The following ADAMTS6 variants were observed in gnomAD, a reference collection of about 807,000 sequenced individuals.
The protein encoded by ADAMTS6 is A disintegrin and metalloproteinase with thrombospondin motifs 6.
ADAMTS6 carries 23 observed loss-of-function variants against 144.3 expected under a neutral mutation model. The ratio of observed to expected loss-of-function variants is 0.16; its 90% CI spans 0.11 to 0.23. The LOEUF (loss-of-function observed/expected upper bound fraction) is 0.23, where lower values mean the gene tolerates loss of function less well. ADAMTS6 is among the 10% of genes least tolerant of loss of function. ADAMTS6 has a pLI of 1.00. For synonymous variants in ADAMTS6, 444 were observed against 457.5 expected (o/e 0.97, Z 0.38); for missense variants, 999 against 1,379.6 (o/e 0.72, Z 4.37).
intron 7 of ADAMTS6, among the ~76,000 whole-genome samples, chr5:65,398,408 C>A (rs543124204): frequency 6.6e-6 from 1 of 152,268 alleles, no homozygotes; most frequent in Admixed American, 6.5e-5. Flanking sequence ...ACTTTCCTTG[C>A]TTTGCATTCT....
chr5:65,470,696 T>G, intron 3 of ADAMTS6, 82 bp downstream of exon 3: 1 of 1,167,346 alleles, frequency 8.6e-7, no homozygotes, highest in Middle Eastern at 2.6e-4. Flanking sequence ...ATATATATTT[T>G]TTTTTTAATC....
At chr5:65,242,304 C>A in intron 14 of ADAMTS6, 98 bp from the exon 15 acceptor site, 1 of 732,018 alleles carries the variant, frequency 1.4e-6, no homozygotes, top group Non-Finnish European at 2.1e-6. Flanking sequence ...TAACTCACTA[C>A]CTTATTCTGT....
chr5:65,474,785 C>T (rs1163133380), intron 1 of ADAMTS6, among the ~76,000 whole-genome samples: 4 of 87,414 alleles, frequency 4.6e-5, no homozygotes, highest in Non-Finnish European at 6.7e-5. Flanking sequence ...CACAAACAGC[C>T]AAACTGTGAC....
intron 10 of ADAMTS6, among the ~76,000 whole-genome samples, chr5:65,294,838 C>T (rs1270397921): frequency 2.6e-5 from 4 of 151,798 alleles, no homozygotes; most frequent in Non-Finnish European, 5.9e-5. Flanking sequence ...CATTTCCCCC[C>T]ACCCCCAAAG....
chr5:65,466,803 G>C (rs986670154), intron 3 of ADAMTS6, among the ~76,000 whole-genome samples: 1 of 152,208 alleles, frequency 6.6e-6, no homozygotes, highest in African/African-American at 2.4e-5. Flanking sequence ...AGCACTTTGG[G>C]AGGCCGAGGT....
At chr5:65,215,012 G>GA in intron 19 of ADAMTS6, 80 bp from the exon 20 acceptor site, 5 of 1,495,522 alleles carry the variant, frequency 3.3e-6, no homozygotes, top group Non-Finnish European at 4.5e-6. Flanking sequence ...TTTTGAAGAA[G>GA]AAAATGTCAA....
At chr5:65,179,931 T>C (rs1035109657) in intron 22 of ADAMTS6, among the ~76,000 whole-genome samples, 38 of 142,156 alleles carry the variant, frequency 2.7e-4, no homozygotes, top group African/African-American at 9.8e-4. Context: ...CTTGTGTGCA[T>C]GCAAACACAC....
At chr5:65,328,387 A>G (rs993247661) in intron 9 of ADAMTS6, among the ~76,000 whole-genome samples, 2 of 152,148 alleles carry the variant, frequency 1.3e-5, no homozygotes, top group African/African-American at 4.8e-5. Context: ...AAATTCTACA[A>G]ATGTCAGGAG....
chr5:65,418,941 T>C (rs1755784700), intron 7 of ADAMTS6, among the ~76,000 whole-genome samples: 1 of 152,208 alleles, frequency 6.6e-6, no homozygotes, highest in African/African-American at 2.4e-5. Flanking sequence ...GCTTCTACTC[T>C]GCTGGTGGGA....
intron 7 of ADAMTS6, among the ~76,000 whole-genome samples, chr5:65,340,850 AT>A (rs1285260820): frequency 6.6e-6 from 1 of 152,062 alleles, no homozygotes; most frequent in Admixed American, 6.6e-5. Context: ...ACAAAGTATT[AT>A]TTAAAAAATA....
chr5:65,388,891 A>T (rs1406009062), intron 7 of ADAMTS6, among the ~76,000 whole-genome samples: 1 of 152,174 alleles, frequency 6.6e-6, no homozygotes, highest in Non-Finnish European at 1.5e-5. Context: ...TGAAGGCTCA[A>T]AAAAGTCACA....
Position 65,277,492 on chromosome 5 carries a change from A to G in ADAMTS6, c.1513-4045T>C, listed in dbSNP as rs562733985. Among the ~76,000 whole-genome samples, 17 of 152,134 alleles carry G rather than the reference A, an allele frequency of 1.1e-4. No individual in the cohort carries two copies. The South Asian group carries it at 3.5e-3, about 32-fold the overall frequency. The stretch of plus-strand genomic sequence containing the variant: ...CTGCAACCTTGAACTCCTGGGCTCA[A>G]GAGATCCTCCTGCCTCGGCCTTCCA... On this transcript the variant is annotated intron_variant, in intron 11 of 24. Transcript: ENST00000381055.
At position 65,299,966 on chromosome 5, in the gene ADAMTS6, C is replaced by G. The variant is rs757979635; in HGVS notation, c.1370+19G>C. On this transcript the variant is annotated intron_variant, in intron 10 of 24. Transcript: ENST00000381055. ...TTACTTCTGGAGCTATTTATCATCA[C>G]TCTCCAGAGATTACTTACTCTAGAA... 13 of 1,607,176 alleles carry G rather than the reference C, an allele frequency of 8.1e-6. No homozygotes were observed. In the South Asian group the frequency reaches 1.3e-4, roughly 17 times the overall value.
At chr5:65,452,653 G>A in intron 5 of ADAMTS6, 54 bp downstream of exon 5, 1 of 1,580,844 alleles carries the variant, frequency 6.3e-7, no homozygotes, top group Non-Finnish European at 8.6e-7. Flanking sequence ...TATGACCTTA[G>A]TCAAAAACAC....
At chr5:65,480,033 A>G (rs1761093681) in intron 1 of ADAMTS6, among the ~76,000 whole-genome samples, 1 of 152,232 alleles carries the variant, frequency 6.6e-6, no homozygotes, top group Non-Finnish European at 1.5e-5. Context: ...CAACACAAGA[A>G]AACAATTATC....
intron 9 of ADAMTS6, among the ~76,000 whole-genome samples, chr5:65,309,114 GT>G (rs1279410611): frequency 6.7e-6 from 1 of 150,142 alleles, no homozygotes; most frequent in Non-Finnish European, 1.5e-5. Flanking sequence ...CCAGGGTGGG[GT>G]TGGTGGCGGG....
At chr5:65,258,576 A>C (rs763221530) in intron 14 of ADAMTS6, among the ~76,000 whole-genome samples, 3 of 152,204 alleles carry the variant, frequency 2.0e-5, no homozygotes, top group East Asian at 1.9e-4. Flanking sequence ...TCCTCATAAA[A>C]GGCTATTAGA....
At chr5:65,273,768 AAT>A (rs1366285445) in intron 11 of ADAMTS6, among the ~76,000 whole-genome samples, 3 of 152,164 alleles carry the variant, frequency 2.0e-5, no homozygotes, top group African/African-American at 7.2e-5. Context: ...GTAGAAAGGA[AAT>A]ATATGTTTAT....
At chr5:65,329,238 C>A (rs1452321756) in intron 9 of ADAMTS6, 140 bp downstream of exon 9, 4 of 694,486 alleles carry the variant, frequency 5.8e-6, no homozygotes, top group Non-Finnish European at 9.7e-6. Flanking sequence ...TATCCCAATA[C>A]CCACAATAAT....
Sources: allele counts gnomAD v4.1 joint callset (sites outside exome capture counted in the v4.1 genomes callset), GRCh38; gene constraint gnomAD v4.1.1; transcripts MANE v1.5; gene names NCBI Gene and HGNC (gene_info 2026-07-23, HGNC 2026-07-21).